ADCYAP1R1: variants seen among roughly 807,000 people sequenced by gnomAD.
The protein encoded by ADCYAP1R1 is pituitary adenylate cyclase-activating polypeptide type I receptor.
In ADCYAP1R1, 44 loss-of-function variants were observed where a neutral mutation model predicts 67.6. That is an observed-to-expected ratio of 0.65 (90% CI 0.51 to 0.84). The LOEUF is 0.84. Among genes scored for constraint, ADCYAP1R1 ranks in the 40% least tolerant of loss-of-function variants. The probability of loss-of-function intolerance (pLI) is 0.00; values close to 1 mark genes in which losing one functional copy is unlikely to be tolerated. For synonymous variants in ADCYAP1R1, 222 were observed against 219.6 expected (o/e 1.01, Z -0.10); for missense variants, 477 against 587.9 (o/e 0.81, Z 1.95).
intron 4 of ADCYAP1R1, among the ~76,000 whole-genome samples, chr7:31,079,153 G>A (rs1795407710): frequency 6.6e-6 from 1 of 152,206 alleles, no homozygotes; most frequent in Non-Finnish European, 1.5e-5. Context: ...GAAAGGGGTA[G>A]CTGTAGATGA....
chr7:31,097,536 C>A (rs1020138112), intron 13 of ADCYAP1R1, among the ~76,000 whole-genome samples: 14 of 152,172 alleles, frequency 9.2e-5, no homozygotes, highest in Non-Finnish European at 1.9e-4. Context: ...CAGTCCTCCC[C>A]CAAGCTGCTC....
chr7:31,053,186 G>A (rs1049251112), intron 1 of ADCYAP1R1, among the ~76,000 whole-genome samples: 4 of 152,242 alleles, frequency 2.6e-5, no homozygotes, highest in Non-Finnish European at 5.9e-5. Context: ...CAATGTGCTA[G>A]GTGGGGGTTG....
chr7:31,072,775 G>T (rs1477797528), intron 3 of ADCYAP1R1, among the ~76,000 whole-genome samples: 1 of 152,180 alleles, frequency 6.6e-6, no homozygotes, highest in Non-Finnish European at 1.5e-5. Context: ...ATAACAAAAA[G>T]AACTTTGCAG....
chr7:31,098,351 T>C (rs1796292254), intron 13 of ADCYAP1R1, among the ~76,000 whole-genome samples: 3 of 152,248 alleles, frequency 2.0e-5, no homozygotes, highest in Admixed American at 6.5e-5. Context: ...AACAGACTTT[T>C]GACATTCATT....
rs1294098200 is a variant in ADCYAP1R1 at position 31,078,439 on chromosome 7, C to T, written c.265+341C>T. On this transcript the variant is annotated intron_variant, in intron 4 of 15. Coordinates refer to ENST00000304166, the MANE Select transcript of ADCYAP1R1 (RefSeq NM_001118.5). ...TCTGTGAGGGTAATGTGAAGCGATG[C>T]TGTGGACGCCACTTAGCACAGGACT... 3.3e-5 allele frequency among the ~76,000 whole-genome samples: 5 copies of T among 152,324 alleles called. No individual in the cohort carries two copies. The East Asian group carries it at 9.7e-4, about 29-fold the overall frequency.
In ADCYAP1R1 at chr7:31,063,277, G is replaced by C. The variant is rs759359114; in HGVS notation, c.13G>C (p.Val5Leu). 1 of 1,614,180 alleles carries C rather than the reference G, an allele frequency of 6.2e-7. No individual in the cohort carries two copies. The highest frequency in any genetic ancestry group is 8.5e-7 in the Non-Finnish European group (1 of 1,180,026). Residue 5 changes from valine to leucine, a missense_variant, in exon 2 of 16, where the codon GTG becomes CTG. Val to Leu is a conservative substitution (Grantham distance 32). Coordinates refer to ENST00000304166, the MANE Select transcript of ADCYAP1R1 (RefSeq NM_001118.5). ...GCCAAGAAGTGTCATGGCTGGTGTC[G>C]TGCACGTTTCCCTGGCTGCTCTCCT... is the stretch of plus-strand genomic sequence containing the variant. MAGVVHVSLAALLLL... is the reference protein window; with the variant it reads MAGVLHVSLAALLLL...
rs143031702 is a variant in ADCYAP1R1, at chr7:31,086,791, C to T, written c.824-152C>T. On this transcript the variant is annotated intron_variant, in intron 10 of 15. Coordinates refer to ENST00000304166, the MANE Select transcript of ADCYAP1R1 (RefSeq NM_001118.5). The surrounding 1 kb of genome is among the most constrained non-coding windows in gnomAD (Gnocchi z 5.0). ...CCTTGGTCTGAGGGAGATATAGACC[C>T]TCAGGAGGCCTGGGTGTGAGGGACA... 3,240 of 937,778 alleles carry T rather than the reference C, an allele frequency of 3.5e-3. 29 individuals are homozygous for T. Among genetic ancestry groups the T allele is most frequent in the Middle Eastern group, 0.016 (50 of 3,204 alleles). 58.1% of individuals were successfully genotyped at this position (937,778 alleles called of 1,614,324 possible).
intron 1 of ADCYAP1R1, among the ~76,000 whole-genome samples, chr7:31,054,615 G>T (rs534657010): frequency 1.4e-4 from 22 of 152,368 alleles, no homozygotes; most frequent in Non-Finnish European, 2.5e-4. Flanking sequence ...TGGGGACAGG[G>T]CTTAAGCTGG....
At chr7:31,094,704 G>A (rs1363963307) in intron 13 of ADCYAP1R1, among the ~76,000 whole-genome samples, 2 of 152,150 alleles carry the variant, frequency 1.3e-5, no homozygotes, top group Non-Finnish European at 2.9e-5. Context: ...AGAAGTGCCC[G>A]CCAAGGTTTC....
rs1796707895 is a variant in ADCYAP1R1 at position 31,107,794 on chromosome 7, G to A, written c.*1110G>A. 1 of 152,278 alleles carries A rather than the reference G, an allele frequency of 6.6e-6. No homozygotes were observed. The highest frequency in any genetic ancestry group is 1.5e-5 in the Non-Finnish European group (1 of 68,136). The allele number at this position is 152,278 out of a possible 1,614,324, so 9.4% of individuals were successfully genotyped here. ...CTCCTCTGGCCTGGACTCAACTATTGAAATCTCTCTGAGACCTCTGCAAAG... is the reference window on the plus strand; with the variant it reads ...CTCCTCTGGCCTGGACTCAACTATTAAAATCTCTCTGAGACCTCTGCAAAG... On this transcript the variant is annotated 3_prime_UTR_variant, in exon 16 of 16. Transcript: ENST00000304166.
At position 31,091,780 on chromosome 7, in the gene ADCYAP1R1, T is replaced by G. The variant is rs1177956173; in HGVS notation, c.955-864T>G. Among the ~76,000 whole-genome samples the G allele has an allele frequency of 2.0e-5, 3 of 152,236 alleles. No individual in the cohort carries two copies. In the East Asian group the frequency reaches 5.8e-4, roughly 29 times the overall value. On this transcript the variant is annotated intron_variant, in intron 12 of 15. Coordinates refer to ENST00000304166, the MANE Select transcript of ADCYAP1R1 (RefSeq NM_001118.5). The stretch of plus-strand genomic sequence containing the variant: ...GCCCTCATGAAACAGCCTTTGTCAT[T>G]CAATTCATCTGTAAAAACCAACAAA...
At chr7:31,068,794 T>A (rs1237782183) in intron 3 of ADCYAP1R1, among the ~76,000 whole-genome samples, 1 of 152,098 alleles carries the variant, frequency 6.6e-6, no homozygotes, top group Non-Finnish European at 1.5e-5. Flanking sequence ...GTTGGGGGAC[T>A]CCCCTCAAGG....
rs962620836 is a variant in ADCYAP1R1 at position 31,102,509 on chromosome 7, G to A, written c.1047-728G>A. Among the ~76,000 whole-genome samples the A allele has an allele frequency of 6.6e-6, 1 of 152,210 alleles. No homozygotes were observed. Among genetic ancestry groups the A allele is most frequent in the Non-Finnish European group, 1.5e-5 (1 of 68,046 alleles). ...GTCAGCCTAGGGCCAGAGGCAGGCA[G>A]GGGAACTCCAGGAGAGCTGCCTCAG... On this transcript the variant is annotated intron_variant, in intron 13 of 15. Transcript: ENST00000304166. This position sits in a 1 kb window ranked among gnomAD's most constrained non-coding sequence, Gnocchi z 4.3.
At chr7:31,092,789 G>A in intron 13 of ADCYAP1R1, 54 bp downstream of exon 13, 2 of 1,384,450 alleles carry the variant, frequency 1.4e-6, no homozygotes, top group Non-Finnish European at 2.0e-6. Flanking sequence ...AGCGGGCCCT[G>A]CATTCAGGTC....
intron 13 of ADCYAP1R1, among the ~76,000 whole-genome samples, chr7:31,096,754 C>T (rs574352090): frequency 3.9e-5 from 6 of 152,150 alleles, no homozygotes; most frequent in Admixed American, 6.5e-5. Context: ...GGGAGTACTT[C>T]GAGGACTGGG....
chr7:31,084,891 C>G (rs1306297719), intron 8 of ADCYAP1R1, 57 bp downstream of exon 8: 7 of 1,456,626 alleles, frequency 4.8e-6, no homozygotes, highest in Non-Finnish European at 1.9e-6. Flanking sequence ...CCTCAGAGGC[C>G]TTGGTGCATC....
intron 13 of ADCYAP1R1, among the ~76,000 whole-genome samples, chr7:31,096,639 A>T (rs568322957): frequency 2.0e-5 from 3 of 152,172 alleles, no homozygotes; most frequent in African/African-American, 7.2e-5. Context: ...ACCGGCTGGG[A>T]GTATGGAGGA....
At chr7:31,088,880 G>T (rs951517111) in intron 12 of ADCYAP1R1, among the ~76,000 whole-genome samples, 4 of 152,096 alleles carry the variant, frequency 2.6e-5, no homozygotes, top group Non-Finnish European at 4.4e-5. Context: ...TTGTCAAGTT[G>T]CACCAAAAAT....
intron 2 of ADCYAP1R1, 142 bp from the exon 3 acceptor site, chr7:31,064,689 G>C (rs1287997119): frequency 9.1e-6 from 6 of 657,434 alleles, no homozygotes; most frequent in Non-Finnish European, 1.6e-5. Flanking sequence ...CAGGGCCCCT[G>C]CTGGCCCTGA....
Sources: allele counts gnomAD v4.1 joint callset (sites outside exome capture counted in the v4.1 genomes callset), GRCh38; gene constraint gnomAD v4.1.1; non-coding constraint Gnocchi (gnomAD v3.1); transcripts MANE v1.5; gene names NCBI Gene and HGNC (gene_info 2026-07-23, HGNC 2026-07-21).